GPR39: variants seen among roughly 807,000 people sequenced by gnomAD.
The protein encoded by GPR39 is zinc sensing receptor.
In GPR39, 23 loss-of-function variants were observed where a neutral mutation model predicts 18.4. The ratio of observed to expected loss-of-function variants is 1.25; its 90% CI spans 0.90 to 1.77. The LOEUF (loss-of-function observed/expected upper bound fraction) is 1.77. Ranked by LOEUF, GPR39 falls within the 40% of genes most tolerant of loss-of-function variation. The pLI, the probability that GPR39 is intolerant of heterozygous loss-of-function variation, is 0.00. For synonymous variants in GPR39, 280 were observed against 257.9 expected (o/e 1.09, Z -0.82); for missense variants, 647 against 602.4 (o/e 1.07, Z -0.78).
chr2:132,447,871 TGAG>T (rs1680565830), intron 1 of GPR39, among the ~76,000 whole-genome samples: 1 of 152,110 alleles, frequency 6.6e-6, no homozygotes, highest in South Asian at 2.1e-4. Context: ...CACAACCAGT[TGAG>T]GAGAGAAAAC....
At chr2:132,553,447 A>G (rs1351690819) in intron 1 of GPR39, among the ~76,000 whole-genome samples, 1 of 151,762 alleles carries the variant, frequency 6.6e-6, no homozygotes, top group Non-Finnish European at 1.5e-5. Context: ...TATATATACC[A>G]TTAGATGTAT....
intron 1 of GPR39, among the ~76,000 whole-genome samples, chr2:132,603,502 C>A (rs1426071971): frequency 3.9e-5 from 6 of 151,966 alleles, no homozygotes; most frequent in African/African-American, 1.4e-4. Flanking sequence ...ATGTTTTCAA[C>A]AAGCTGGAAG....
intron 1 of GPR39, among the ~76,000 whole-genome samples, chr2:132,486,553 A>T (rs970174413): frequency 6.6e-6 from 1 of 152,220 alleles, no homozygotes; most frequent in Non-Finnish European, 1.5e-5. Flanking sequence ...CTTCTACATC[A>T]GCACTTGCTG....
chr2:132,639,500 A>G (rs1258093782), intron 1 of GPR39, among the ~76,000 whole-genome samples: 5 of 152,240 alleles, frequency 3.3e-5, no homozygotes, highest in African/African-American at 1.2e-4. Flanking sequence ...TTGGGAATTT[A>G]TTTAAATTAC....
At chr2:132,441,508 A>T (rs913745374) in intron 1 of GPR39, among the ~76,000 whole-genome samples, 1 of 152,186 alleles carries the variant, frequency 6.6e-6, no homozygotes, top group African/African-American at 2.4e-5. Context: ...AGTCATCTAT[A>T]CTTAACAAAC....
chr2:132,466,146 T>C, intron 1 of GPR39, among the ~76,000 whole-genome samples: 1 of 152,184 alleles, frequency 6.6e-6, no homozygotes, highest in East Asian at 1.9e-4. Context: ...CATTGTACAG[T>C]AACATCCACA....
Position 132,645,615 on chromosome 2 carries a change from C to T in GPR39, c.*9C>T, listed in dbSNP as rs1292171856. On this transcript the variant is annotated 3_prime_UTR_variant, in exon 2 of 2. Transcript: ENST00000329321. ...AGGAGCATGAAGTTTGAATGTCAAGCGAGGGAGCCTTGAGTGGGAACTGGC... is the reference window on the plus strand; with the variant it reads ...AGGAGCATGAAGTTTGAATGTCAAGTGAGGGAGCCTTGAGTGGGAACTGGC... 3 of 1,604,768 alleles carry T rather than the reference C, an allele frequency of 1.9e-6. No individual in the cohort carries two copies. Among genetic ancestry groups the T allele is most frequent in the South Asian group, 1.1e-5 (1 of 89,724 alleles).
intron 1 of GPR39, among the ~76,000 whole-genome samples, chr2:132,493,032 C>T (rs532632962): frequency 4.2e-5 from 5 of 119,610 alleles, no homozygotes; most frequent in African/African-American, 1.6e-4. Context: ...ATATATATAC[C>T]ATATATATAC....
chr2:132,487,562 A>G (rs1681365745), intron 1 of GPR39, among the ~76,000 whole-genome samples: 1 of 152,214 alleles, frequency 6.6e-6, no homozygotes, highest in African/African-American at 2.4e-5. Context: ...TAACAAAGGA[A>G]TATGATGCTT....
chr2:132,626,172 G>A (rs997517302), intron 1 of GPR39, among the ~76,000 whole-genome samples: 1 of 152,140 alleles, frequency 6.6e-6, no homozygotes, highest in African/African-American at 2.4e-5. Flanking sequence ...GACACTGCTG[G>A]TTAGTACAGA....
intron 1 of GPR39, among the ~76,000 whole-genome samples, chr2:132,423,344 C>T (rs554317021): frequency 1.3e-5 from 2 of 151,148 alleles, no homozygotes; most frequent in African/African-American, 4.9e-5. Context: ...CTGGTCTTAT[C>T]AGATTAGGGC....
At chr2:132,458,458 TTGTGTGTGTGTGTGTG>T (rs57137481) in intron 1 of GPR39, among the ~76,000 whole-genome samples, 1 of 132,126 alleles carries the variant, frequency 7.6e-6, no homozygotes, top group Non-Finnish European at 1.6e-5. Context: ...CTCGGTGTGT[TTGTGTGTGTGTGTGTG>T]TGTGTGTGTG....
At chr2:132,436,639 C>T (rs757640564) in intron 1 of GPR39, among the ~76,000 whole-genome samples, 1 of 152,118 alleles carries the variant, frequency 6.6e-6, no homozygotes, top group East Asian at 1.9e-4. Context: ...TGGGAAATAT[C>T]AGAGGTGGGT....
At chr2:132,534,652 T>C (rs1054051935) in intron 1 of GPR39, among the ~76,000 whole-genome samples, 32 of 151,972 alleles carry the variant, frequency 2.1e-4, no homozygotes, top group African/African-American at 7.7e-4. Context: ...TGGAATACTA[T>C]GCAGCCATAA....
At position 132,645,999 on chromosome 2, in the gene GPR39, G is replaced by C; in HGVS notation, c.*393G>C. 1 of 1,418,256 alleles carries C rather than the reference G, an allele frequency of 7.1e-7. No homozygotes were observed. Among genetic ancestry groups the C allele is most frequent in the Non-Finnish European group, 9.5e-7 (1 of 1,055,190 alleles). The allele number at this position is 1,418,256 out of a possible 1,614,324, so 87.9% of individuals were successfully genotyped here. ...CTCAGGGAGGTGGGGGGTTGGGGGCGAGGGCTGGAAGAACAATGCAGGAGG... is the reference window on the plus strand; with the variant it reads ...CTCAGGGAGGTGGGGGGTTGGGGGCCAGGGCTGGAAGAACAATGCAGGAGG... On this transcript the variant is annotated 3_prime_UTR_variant, in exon 2 of 2. Transcript: ENST00000329321.
chr2:132,610,062 C>CG (rs1681213629), intron 1 of GPR39, among the ~76,000 whole-genome samples: 1 of 152,068 alleles, frequency 6.6e-6, no homozygotes, highest in South Asian at 2.1e-4. Context: ...TTGCAAGACT[C>CG]GGTCAGTGAT....
intron 1 of GPR39, among the ~76,000 whole-genome samples, chr2:132,632,666 C>T (rs540125527): frequency 1.3e-5 from 2 of 152,236 alleles, no homozygotes; most frequent in South Asian, 2.1e-4. Context: ...CTCCACTTTT[C>T]TATTTGTATA....
chr2:132,546,408 A>T (rs1290870709), intron 1 of GPR39, among the ~76,000 whole-genome samples: 1 of 152,134 alleles, frequency 6.6e-6, no homozygotes, highest in East Asian at 1.9e-4. Flanking sequence ...AGGCAGAGGA[A>T]CTCTGAGAAA....
intron 1 of GPR39, among the ~76,000 whole-genome samples, chr2:132,637,324 C>A (rs1357192881): frequency 6.6e-6 from 1 of 152,220 alleles, no homozygotes; most frequent in African/African-American, 2.4e-5. Context: ...TAATGCTTAG[C>A]AAATTGCAGC....
Sources: allele counts gnomAD v4.1 joint callset (sites outside exome capture counted in the v4.1 genomes callset), GRCh38; gene constraint gnomAD v4.1.1; transcripts MANE v1.5; gene names NCBI Gene and HGNC (gene_info 2026-07-23, HGNC 2026-07-21).